LDAH: variants seen among roughly 807,000 people sequenced by gnomAD.
LDAH encodes lipid droplet-associated hydrolase.
A neutral mutation model predicts 29.6 loss-of-function variants in LDAH; 26 were observed. The ratio of observed to expected loss-of-function variants is 0.88; its 90% CI spans 0.64 to 1.22. The LOEUF (loss-of-function observed/expected upper bound fraction) is 1.22, where lower values mean the gene tolerates loss of function less well. Ranked by LOEUF, LDAH falls within the 50% of genes most tolerant of loss-of-function variation. LDAH has a pLI of 0.00. For missense variants in LDAH, 344 were observed against 387.3 expected (o/e 0.89, Z 0.94); for synonymous variants, 117 against 133.0 (o/e 0.88, Z 0.83).
intron 3 of LDAH, among the ~76,000 whole-genome samples, chr2:20,787,269 A>G (rs1168970683): frequency 6.6e-6 from 1 of 152,076 alleles, no homozygotes; most frequent in Non-Finnish European, 1.5e-5. Context: ...AATGATTTTT[A>G]GTTTTGTTCA....
At chr2:20,773,939 G>A (rs1331119696) in intron 4 of LDAH, among the ~76,000 whole-genome samples, 2 of 152,126 alleles carry the variant, frequency 1.3e-5, no homozygotes, top group Admixed American at 6.6e-5. Flanking sequence ...ACTGAAACAA[G>A]ACAGTAGGTA....
At chr2:20,770,924 A>G (rs370908912) in intron 4 of LDAH, among the ~76,000 whole-genome samples, 54 of 152,352 alleles carry the variant, frequency 3.5e-4, no homozygotes, top group African/African-American at 1.3e-3. Flanking sequence ...GATTGTCTCT[A>G]AAGCCTATCT....
intron 2 of LDAH, among the ~76,000 whole-genome samples, chr2:20,791,099 T>A (rs778586194): frequency 5.9e-5 from 9 of 152,258 alleles, no homozygotes; most frequent in Non-Finnish European, 1.2e-4. Context: ...TGCAATTACA[T>A]GACATGGCTC....
chr2:20,735,622 G>C (rs529475591), intron 5 of LDAH, among the ~76,000 whole-genome samples: 1 of 151,972 alleles, frequency 6.6e-6, no homozygotes, highest in East Asian at 1.9e-4. Context: ...TTCCAGTCAA[G>C]TTGAGATTTT....
At chr2:20,731,435 C>G (rs1222096141) in intron 5 of LDAH, among the ~76,000 whole-genome samples, 1 of 152,214 alleles carries the variant, frequency 6.6e-6, no homozygotes, top group African/African-American at 2.4e-5. Context: ...CTTGAGGCGT[C>G]CGCAGAAGTG....
intron 4 of LDAH, among the ~76,000 whole-genome samples, chr2:20,745,995 G>A (rs931533192): frequency 1.3e-5 from 2 of 152,168 alleles, no homozygotes; most frequent in African/African-American, 4.8e-5. Context: ...TTTGTGGGGA[G>A]AGGGAAGAGC....
chr2:20,747,803 C>T (rs1667680822), intron 4 of LDAH, among the ~76,000 whole-genome samples: 1 of 152,228 alleles, frequency 6.6e-6, no homozygotes, highest in African/African-American at 2.4e-5. Flanking sequence ...TACACTTATG[C>T]ACTTTATATA....
Position 20,685,445 on chromosome 2 carries a change from C to T in LDAH, c.*1458G>A. 2 of 1,446,470 alleles carry T rather than the reference C, an allele frequency of 1.4e-6. No individual in the cohort carries two copies. The highest frequency in any genetic ancestry group is 5.0e-5 in the East Asian group (2 of 40,280). The allele number at this position is 1,446,470 out of a possible 1,614,324, so 89.6% of individuals were successfully genotyped here. A position where few individuals can be genotyped will look rare whatever the true frequency, so the allele number is the denominator to read the frequency against. Reference sequence around the variant, plus strand: ...GTATCTATTAGCTCTTCCCCTTGGGCTAACAGCACTCCTTGTCTGGAGCTT... The same window carrying T: ...GTATCTATTAGCTCTTCCCCTTGGGTTAACAGCACTCCTTGTCTGGAGCTT... On this transcript the variant is annotated 3_prime_UTR_variant, in exon 7 of 7. Transcript: ENST00000237822.
At chr2:20,719,343 G>C (rs771561150) in intron 5 of LDAH, among the ~76,000 whole-genome samples, 74 of 149,978 alleles carry the variant, frequency 4.9e-4, no homozygotes, top group Non-Finnish European at 9.0e-4. Flanking sequence ...AGGATCACTA[G>C]AGACTACTAT....
At chr2:20,765,139 A>G in intron 4 of LDAH, among the ~76,000 whole-genome samples, 1 of 152,236 alleles carries the variant, frequency 6.6e-6, no homozygotes, top group African/African-American at 2.4e-5. Context: ...GTTTTCAAGT[A>G]TGTAGACTAA....
At chr2:20,745,927 G>A (rs1667540296) in intron 4 of LDAH, among the ~76,000 whole-genome samples, 1 of 152,156 alleles carries the variant, frequency 6.6e-6, no homozygotes, top group Admixed American at 6.6e-5. Context: ...TTGATGAAAG[G>A]TGACATTTGT....
intron 1 of LDAH, among the ~76,000 whole-genome samples, chr2:20,820,722 A>G (rs1572705439): frequency 7.0e-6 from 1 of 143,182 alleles, no homozygotes; most frequent in East Asian, 2.0e-4. Flanking sequence ...CTTCATGTCT[A>G]AAACACCAAA....
At chr2:20,707,093 C>T (rs911554395) in intron 5 of LDAH, among the ~76,000 whole-genome samples, 1 of 152,302 alleles carries the variant, frequency 6.6e-6, no homozygotes, top group African/African-American at 2.4e-5. Flanking sequence ...TACCCACCAA[C>T]CACCTCCCTT....
intron 4 of LDAH, among the ~76,000 whole-genome samples, chr2:20,750,779 T>C (rs1484326947): frequency 6.6e-6 from 1 of 152,158 alleles, no homozygotes; most frequent in African/African-American, 2.4e-5. Flanking sequence ...AGTGGTAGAC[T>C]GGATAAAGAA....
intron 3 of LDAH, 29 bp downstream of exon 3, chr2:20,790,226 A>C: frequency 2.5e-6 from 4 of 1,612,490 alleles, no homozygotes; most frequent in Non-Finnish European, 3.4e-6. Context: ...ACTCACTCTA[A>C]AGGAAAGTAG....
At chr2:20,751,942 G>A (rs1328013244) in intron 4 of LDAH, among the ~76,000 whole-genome samples, 1 of 152,192 alleles carries the variant, frequency 6.6e-6, no homozygotes. Context: ...CCAAGCTAGA[G>A]TGCAGTGGCA....
chr2:20,784,813 G>A (rs1670434469), intron 3 of LDAH, among the ~76,000 whole-genome samples: 1 of 152,084 alleles, frequency 6.6e-6, no homozygotes, highest in South Asian at 2.1e-4. Flanking sequence ...CCTGATCCTG[G>A]CAGGTTGAGG....
chr2:20,714,493 A>C (rs1258803698), intron 5 of LDAH, among the ~76,000 whole-genome samples: 1 of 152,162 alleles, frequency 6.6e-6, no homozygotes, highest in African/African-American at 2.4e-5. Context: ...AGAGCAAGCA[A>C]ATTCGACAGC....
intron 4 of LDAH, among the ~76,000 whole-genome samples, chr2:20,766,108 T>C (rs1254194771): frequency 6.6e-6 from 1 of 152,100 alleles, no homozygotes; most frequent in Non-Finnish European, 1.5e-5. Flanking sequence ...CAGTAAGATA[T>C]ACATTCGACA....
Sources: gnomAD v4.1 joint callset for allele counts (sites outside exome capture counted in the v4.1 genomes callset) on GRCh38, gnomAD v4.1.1 for gene constraint, MANE v1.5 for transcripts, NCBI Gene and HGNC (gene_info 2026-07-23, HGNC 2026-07-21) for gene names.